Variants in AGFG1 observed in about 807,000 individuals in gnomAD.
The protein encoded by AGFG1 is ArfGAP with FG repeats 1, also known as arf-GAP domain and FG repeat-containing protein 1.
AGFG1 carries 10 observed loss-of-function variants against 60.6 expected under a neutral mutation model. The ratio of observed to expected loss-of-function variants is 0.16; its 90% CI spans 0.10 to 0.28. The LOEUF (loss-of-function observed/expected upper bound fraction) is 0.28, where lower values mean the gene tolerates loss of function less well. Ranked by LOEUF, AGFG1 falls within the 10% of genes least tolerant of loss-of-function variation. AGFG1 has a pLI of 1.00. For synonymous variants in AGFG1, 247 were observed against 242.9 expected, an observed-to-expected ratio of 1.02 and a Z score of -0.16; for missense variants, 537 against 676.5, an observed-to-expected ratio of 0.79 and a Z score of 2.29.
intron 1 of AGFG1, among the ~76,000 whole-genome samples, chr2:227,477,634 T>G (rs1690325181): frequency 6.6e-6 from 1 of 151,934 alleles, no homozygotes. Flanking sequence ...TGAGACGGAG[T>G]TTCACTCGTC....
At chr2:227,509,530 G>A (rs186943439) in intron 2 of AGFG1, among the ~76,000 whole-genome samples, 11 of 152,092 alleles carry the variant, frequency 7.2e-5, no homozygotes, top group Admixed American at 2.0e-4. Flanking sequence ...GTAAAAGAAC[G>A]TACTTATTTT....
rs1239296186 is a variant in AGFG1 at position 227,557,279 on chromosome 2, T to C, written c.*2784T>C. 6.6e-6 allele frequency: 1 copy of C among 152,232 alleles called. No individual in the cohort carries two copies. The highest frequency in any genetic ancestry group is 2.4e-5 in the African/African-American group (1 of 41,456). 9.4% of individuals were successfully genotyped at this position (152,232 alleles called of 1,614,324 possible). On this transcript the variant is annotated 3_prime_UTR_variant, in exon 13 of 13. Coordinates refer to ENST00000310078, the MANE Select transcript of AGFG1 (RefSeq NM_004504.5). ...CCATTTTTTGAAATAGAGAATATTT[T>C]ATTATTTTTGTGAAAATAGAGTTTT... is the stretch of plus-strand genomic sequence containing the variant.
chr2:227,556,190 A>G lies in AGFG1; in HGVS notation c.*1695A>G, dbSNP rs1175591367. The G allele has an allele frequency of 6.6e-6, 1 of 152,272 alleles. No homozygotes were observed. Among genetic ancestry groups the G allele is most frequent in the Non-Finnish European group, 1.5e-5 (1 of 68,042 alleles). The allele number at this position is 152,272 out of a possible 1,614,324, so 9.4% of individuals were successfully genotyped here. A position where few individuals can be genotyped will look rare whatever the true frequency, so the allele number is the denominator to read the frequency against. ...AAACTTTTTAAAAAGCTTTGGTATT[A>G]AAAGAGGTAAACATCAGTTTCCTCA... On this transcript the variant is annotated 3_prime_UTR_variant, in exon 13 of 13. Transcript: ENST00000310078.
chr2:227,500,133 C>A lies in AGFG1; in HGVS notation c.261+8493C>A, dbSNP rs191981946. Among the ~76,000 whole-genome samples the A allele has an allele frequency of 3.3e-5, 5 of 152,254 alleles. No homozygotes were observed. In the East Asian group the frequency reaches 9.7e-4, roughly 29 times the overall value. On this transcript the variant is annotated intron_variant, in intron 2 of 12. Coordinates refer to ENST00000310078, the MANE Select transcript of AGFG1 (RefSeq NM_004504.5). ...AGAAAACAAACAGGCCCTCCAGCCT[C>A]ATAGGTTTTTGAGGAATTGGTAATG...
At chr2:227,517,850 A>T (rs1232515642) in intron 2 of AGFG1, among the ~76,000 whole-genome samples, 2 of 152,218 alleles carry the variant, frequency 1.3e-5, no homozygotes, top group African/African-American at 4.8e-5. Flanking sequence ...ATAGTTGATA[A>T]CTTGGATATT....
intron 10 of AGFG1, among the ~76,000 whole-genome samples, chr2:227,551,556 A>G (rs1484874171): frequency 6.6e-6 from 1 of 152,172 alleles, no homozygotes; most frequent in Non-Finnish European, 1.5e-5. Context: ...CAGATACTTC[A>G]GGAGATAAAA....
At chr2:227,500,789 T>TA (rs199535644) in intron 2 of AGFG1, among the ~76,000 whole-genome samples, 14 of 150,932 alleles carry the variant, frequency 9.3e-5, no homozygotes, top group East Asian at 1.9e-4. Context: ...TAAATTAAAT[T>TA]AAAAAAAAAA....
intron 5 of AGFG1, among the ~76,000 whole-genome samples, chr2:227,528,999 T>C (rs544101172): frequency 3.2e-4 from 48 of 152,082 alleles, no homozygotes; most frequent in African/African-American, 1.1e-3. Context: ...CTGAGAGGAG[T>C]TGTTTTTTAG....
chr2:227,481,428 G>A (rs1690459421), intron 1 of AGFG1, among the ~76,000 whole-genome samples: 1 of 152,106 alleles, frequency 6.6e-6, no homozygotes. Context: ...AGAGTCTAAT[G>A]ATTTCTGACC....
rs938295563 is a variant in AGFG1 at position 227,555,187 on chromosome 2, A to T, written c.*692A>T. On this transcript the variant is annotated 3_prime_UTR_variant, in exon 13 of 13. Coordinates refer to ENST00000310078, the MANE Select transcript of AGFG1 (RefSeq NM_004504.5). ...AAGTGGCCTTAAATATGAGTAGTGA[A>T]TTGAGAACATCTTGAATTCTTAAAA... The T allele has an allele frequency of 1.2e-4, 18 of 152,614 alleles. No individual in the cohort carries two copies. The highest frequency in any genetic ancestry group is 4.3e-4 in the African/African-American group (18 of 41,460). The allele number at this position is 152,614 out of a possible 1,614,324, so 9.5% of individuals were successfully genotyped here.
intron 2 of AGFG1, among the ~76,000 whole-genome samples, chr2:227,492,686 T>C (rs934353590): frequency 1.3e-4 from 20 of 152,144 alleles, no homozygotes; most frequent in African/African-American, 4.8e-4. Flanking sequence ...ATATTTCATA[T>C]TAAATTATTT....
At chr2:227,497,609 A>T (rs745819619) in intron 2 of AGFG1, among the ~76,000 whole-genome samples, 1 of 151,508 alleles carries the variant, frequency 6.6e-6, no homozygotes, top group Non-Finnish European at 1.5e-5. Flanking sequence ...TTTCTTCTGT[A>T]TTGGTCTTAC....
intron 1 of AGFG1, among the ~76,000 whole-genome samples, chr2:227,487,483 A>T (rs1271260026): frequency 1.3e-5 from 2 of 152,242 alleles, no homozygotes; most frequent in South Asian, 2.1e-4. Flanking sequence ...ATAATGTCAT[A>T]CTTTTTAAAA....
intron 1 of AGFG1, among the ~76,000 whole-genome samples, chr2:227,480,989 C>A (rs1690440855): frequency 6.6e-6 from 1 of 151,956 alleles, no homozygotes; most frequent in African/African-American, 2.4e-5. Flanking sequence ...TCTTTCTGAC[C>A]CACTTCTTTT....
Position 227,481,081 on chromosome 2 carries a change from T to G in AGFG1, c.167+8493T>G, listed in dbSNP as rs1298430909. Among the ~76,000 whole-genome samples the G allele has an allele frequency of 1.2e-4, 18 of 149,290 alleles. No individual in the cohort carries two copies. The Admixed American group carries it at 1.2e-3, about 10-fold the overall frequency. ...TATTGAAGTATTTTGGTGTAGGTCT[T>G]TTGTTCAGTGTTTTAGGCTTTTTTT... On this transcript the variant is annotated intron_variant, in intron 1 of 12. Coordinates refer to ENST00000310078, the MANE Select transcript of AGFG1 (RefSeq NM_004504.5).
Position 227,497,574 on chromosome 2 carries a change from A to T in AGFG1, c.261+5934A>T, listed in dbSNP as rs141712085. On this transcript the variant is annotated intron_variant, in intron 2 of 12. Transcript: ENST00000310078. ...CATTCACTGTAAGATTTACAAAAAA[A>T]AATTTTTTTTGTTATTGCTCTTAGT... Among the ~76,000 whole-genome samples the T allele has an allele frequency of 1.2e-4, 18 of 152,160 alleles. No homozygotes were observed. The East Asian group carries it at 3.5e-3, about 29-fold the overall frequency.
At chr2:227,476,893 C>G (rs1690298995) in intron 1 of AGFG1, among the ~76,000 whole-genome samples, 1 of 123,896 alleles carries the variant, frequency 8.1e-6, no homozygotes, top group South Asian at 2.7e-4. Context: ...TTTATACTTT[C>G]TCTCTCTCTC....
At chr2:227,533,299 T>TA (rs757689631) in intron 6 of AGFG1, among the ~76,000 whole-genome samples, 3 of 152,166 alleles carry the variant, frequency 2.0e-5, no homozygotes, top group African/African-American at 4.8e-5. Context: ...CTCCATGAAT[T>TA]ACATTCTTCA....
intron 1 of AGFG1, among the ~76,000 whole-genome samples, chr2:227,473,158 C>G (rs1690166740): frequency 6.6e-6 from 1 of 152,250 alleles, no homozygotes; most frequent in Admixed American, 6.5e-5. Flanking sequence ...AGAGTACCTA[C>G]GTAACTGGGA....
Sources: allele counts gnomAD v4.1 joint callset (sites outside exome capture counted in the v4.1 genomes callset), GRCh38; gene constraint gnomAD v4.1.1; transcripts MANE v1.5; gene names NCBI Gene and HGNC (gene_info 2026-07-23, HGNC 2026-07-21).